SYT9: variants seen among roughly 807,000 people sequenced by gnomAD.
The protein encoded by SYT9 is synaptotagmin 9, also known as synaptotagmin-9.
SYT9 carries 22 observed loss-of-function variants against 48.4 expected under a neutral mutation model. The ratio of observed to expected loss-of-function variants is 0.45; its 90% CI spans 0.32 to 0.65. SYT9 has a LOEUF of 0.65. SYT9 is among the 30% of genes least tolerant of loss of function. The probability of loss-of-function intolerance (pLI) is 0.03; values close to 1 mark genes in which losing one functional copy is unlikely to be tolerated. For synonymous variants in SYT9, 265 were observed against 245.0 expected (o/e 1.08, Z -0.76); for missense variants, 577 against 622.0 (o/e 0.93, Z 0.77).
chr11:7,317,455 C>T (rs1849262861), intron 3 of SYT9, among the ~76,000 whole-genome samples: 1 of 152,156 alleles, frequency 6.6e-6, no homozygotes, highest in Non-Finnish European at 1.5e-5. Context: ...CTCACCTTCT[C>T]ACTGTGCCCT....
At chr11:7,349,901 G>C (rs1849879522) in intron 3 of SYT9, among the ~76,000 whole-genome samples, 1 of 152,128 alleles carries the variant, frequency 6.6e-6, no homozygotes, top group Non-Finnish European at 1.5e-5. Context: ...TAAAAAAATA[G>C]GTCCTGAACA....
chr11:7,375,957 G>A (rs545148568), intron 3 of SYT9, among the ~76,000 whole-genome samples: 4 of 152,082 alleles, frequency 2.6e-5, no homozygotes, highest in East Asian at 1.9e-4. Flanking sequence ...TTAGATCTTC[G>A]AGGTCTTCCC....
intron 1 of SYT9, among the ~76,000 whole-genome samples, chr11:7,255,684 T>G (rs567158324): frequency 6.6e-6 from 1 of 152,322 alleles, no homozygotes; most frequent in East Asian, 1.9e-4. Flanking sequence ...CAAAGGCTTT[T>G]TGACCTAAAA....
At chr11:7,276,815 A>G (rs1048691563) in intron 1 of SYT9, among the ~76,000 whole-genome samples, 8 of 152,148 alleles carry the variant, frequency 5.3e-5, no homozygotes, top group Non-Finnish European at 7.3e-5. Context: ...TGGGAAGCCA[A>G]GGCGGGTGGA....
intron 6 of SYT9, chr11:7,434,958 A>G (rs1327707676): frequency 6.6e-6 from 1 of 152,190 alleles, no homozygotes; most frequent in Non-Finnish European, 1.5e-5. Flanking sequence ...TATGGAACCA[A>G]TATATCACAT....
chr11:7,261,299 A>G (rs1848074381), intron 1 of SYT9, among the ~76,000 whole-genome samples: 1 of 152,184 alleles, frequency 6.6e-6, no homozygotes, highest in Non-Finnish European at 1.5e-5. Flanking sequence ...CTGAAAATTC[A>G]GGTGAGTTTT....
At chr11:7,388,585 C>T (rs538214017) in intron 3 of SYT9, among the ~76,000 whole-genome samples, 2 of 151,734 alleles carry the variant, frequency 1.3e-5, no homozygotes, top group East Asian at 3.9e-4. Flanking sequence ...GATAATTGGC[C>T]TTATTTTGGG....
chr11:7,322,576 A>G (rs1849356106), intron 3 of SYT9, among the ~76,000 whole-genome samples: 1 of 152,168 alleles, frequency 6.6e-6, no homozygotes, highest in African/African-American at 2.4e-5. Context: ...GAACAGCACA[A>G]CTGAAGGAAG....
chr11:7,290,097 T>C (rs1174652502), intron 1 of SYT9, among the ~76,000 whole-genome samples: 4 of 152,286 alleles, frequency 2.6e-5, no homozygotes, highest in African/African-American at 9.6e-5. Context: ...GAGTTTTACA[T>C]TGGAACAAAG....
intron 3 of SYT9, among the ~76,000 whole-genome samples, chr11:7,334,838 A>T (rs1007070313): frequency 6.6e-6 from 1 of 152,198 alleles, no homozygotes; most frequent in African/African-American, 2.4e-5. Context: ...GCTGAGTACT[A>T]TTCCATTGCA....
At chr11:7,271,925 T>G (rs1848305122) in intron 1 of SYT9, among the ~76,000 whole-genome samples, 1 of 152,162 alleles carries the variant, frequency 6.6e-6, no homozygotes, top group Admixed American at 6.5e-5. Context: ...AGAGAAAAAA[T>G]GCAGAAGCTG....
At chr11:7,289,418 G>A (rs1247821473) in intron 1 of SYT9, among the ~76,000 whole-genome samples, 1 of 152,192 alleles carries the variant, frequency 6.6e-6, no homozygotes, top group Non-Finnish European at 1.5e-5. Flanking sequence ...AGCACAACAG[G>A]ATAAATGTAG....
At chr11:7,288,251 G>T (rs1391388107) in intron 1 of SYT9, among the ~76,000 whole-genome samples, 2 of 149,654 alleles carry the variant, frequency 1.3e-5, no homozygotes, top group African/African-American at 4.9e-5. Context: ...CCTGGCTATT[G>T]TTGGTATTTG....
At chr11:7,407,604 T>C (rs1847046838) in intron 3 of SYT9, among the ~76,000 whole-genome samples, 1 of 53,606 alleles carries the variant, frequency 1.9e-5, no homozygotes, top group African/African-American at 2.7e-4. Context: ...ATGGTCTCGA[T>C]CTCCTGACCT....
At chr11:7,423,966 A>C (rs1847404275) in intron 6 of SYT9, among the ~76,000 whole-genome samples, 1 of 152,204 alleles carries the variant, frequency 6.6e-6, no homozygotes, top group Admixed American at 6.5e-5. Flanking sequence ...GTGAGTGTGC[A>C]CTCATGAGCA....
intron 1 of SYT9, among the ~76,000 whole-genome samples, chr11:7,257,973 A>G (rs1848006456): frequency 6.6e-6 from 1 of 152,198 alleles, no homozygotes; most frequent in South Asian, 2.1e-4. Context: ...ATAAACAATC[A>G]AAAGCACAAA....
intron 3 of SYT9, among the ~76,000 whole-genome samples, chr11:7,354,780 T>C (rs924338781): frequency 6.6e-6 from 1 of 152,088 alleles, no homozygotes. Flanking sequence ...GCTTTTGGAG[T>C]GCAGGGGCAG....
At chr11:7,336,327 A>C (rs943224308) in intron 3 of SYT9, among the ~76,000 whole-genome samples, 1 of 152,154 alleles carries the variant, frequency 6.6e-6, no homozygotes, top group East Asian at 1.9e-4. Flanking sequence ...TTTGTTGTGC[A>C]GAAGCTCTTA....
At chr11:7,426,372 C>T (rs1847458520) in intron 6 of SYT9, among the ~76,000 whole-genome samples, 1 of 152,108 alleles carries the variant, frequency 6.6e-6, no homozygotes, top group South Asian at 2.1e-4. Context: ...CCTGTGGATC[C>T]CTGAGGGCAG....
Sources: allele counts gnomAD v4.1 joint callset (sites outside exome capture counted in the v4.1 genomes callset), GRCh38; gene constraint gnomAD v4.1.1; transcripts MANE v1.5; gene names NCBI Gene and HGNC (gene_info 2026-07-23, HGNC 2026-07-21).